Variants in FAAH2 observed in about 807,000 individuals in gnomAD.
The protein encoded by FAAH2 is fatty acid amide hydrolase 2.
A neutral mutation model predicts 36.9 loss-of-function variants in FAAH2; 60 were observed. That is an observed-to-expected ratio of 1.63 (90% CI 1.32 to 2.02). FAAH2 has a LOEUF of 2.02. FAAH2 is among the 30% of genes most tolerant of loss of function. The probability of loss-of-function intolerance (pLI) is 0.00; values close to 1 mark genes in which losing one functional copy is unlikely to be tolerated. For synonymous variants in FAAH2, 214 were observed against 143.8 expected (o/e 1.49, Z -3.49); for missense variants, 689 against 397.5 (o/e 1.73, Z -6.23).
At chrX:57,268,368 A>G in the FAAH2 span, among the ~76,000 whole-genome samples, 3 of 111,867 alleles carry the variant, frequency 2.7e-5, no homozygotes, top group Middle Eastern at 4.2e-3. Flanking sequence ...GACCAAATCT[A>G]TGACTGATTG....
the FAAH2 span, among the ~76,000 whole-genome samples, chrX:57,145,266 G>A: frequency 9.2e-6 from 1 of 108,272 alleles, no homozygotes; most frequent in Admixed American, 9.7e-5. Context: ...GGGGGGGTAA[G>A]GTGGTATTAC....
chrX:57,284,396 AAACAACAACAAC>A (rs201402751), upstream of FAAH2, among the ~76,000 whole-genome samples: 2 of 107,108 alleles, frequency 1.9e-5, no homozygotes, highest in African/African-American at 3.5e-5. Flanking sequence ...TAACAAAACA[AAACAACAACAAC>A]AACAACAACA....
At chrX:57,237,623 G>A in the FAAH2 span, among the ~76,000 whole-genome samples, 1 of 110,513 alleles carries the variant, frequency 9.0e-6, no homozygotes, top group Non-Finnish European at 1.9e-5. Context: ...CTTTTCAATT[G>A]CAACAAAAAC....
the FAAH2 span, among the ~76,000 whole-genome samples, chrX:57,205,858 G>T: frequency 8.9e-6 from 1 of 111,915 alleles, no homozygotes; most frequent in Non-Finnish European, 1.9e-5. Context: ...TGCTGTATTT[G>T]TGCCTTCATG....
Position 57,292,585 on chromosome X carries a change from G to A in FAAH2, c.275+5G>A. 8.3e-7 allele frequency: 1 copy of A among 1,199,118 alleles called. No individual in the cohort carries two copies. The highest frequency in any genetic ancestry group is 1.1e-6 in the Non-Finnish European group (1 of 885,982). On this transcript the variant is annotated splice_donor_5th_base_variant and intron_variant, in intron 2 of 10. Coordinates refer to ENST00000374900, the MANE Select transcript of FAAH2 (RefSeq NM_174912.4). The stretch of plus-strand genomic sequence containing the variant: ...CAATGGAATTGTCAAGTACAGGTGA[G>A]CATTTCCACTCTCTCAAGGAGTCAT...
At chrX:57,371,261 C>A (rs971549808) in intron 5 of FAAH2, among the ~76,000 whole-genome samples, 1 of 111,183 alleles carries the variant, frequency 9.0e-6, no homozygotes, top group Non-Finnish European at 1.9e-5. Flanking sequence ...TCTCCCCAAG[C>A]TTATAGTCTC....
chrX:57,123,257 G>T, the FAAH2 span, among the ~76,000 whole-genome samples: 1 of 111,465 alleles, frequency 9.0e-6, no homozygotes, highest in East Asian at 2.8e-4. Context: ...GCGGTGTTTG[G>T]TTTTTTGTCC....
intron 10 of FAAH2, among the ~76,000 whole-genome samples, chrX:57,476,612 A>G: frequency 9.0e-6 from 1 of 111,150 alleles, no homozygotes; most frequent in East Asian, 2.8e-4. Context: ...GGATTTTCAC[A>G]TTGATGTACA....
the FAAH2 span, among the ~76,000 whole-genome samples, chrX:57,134,133 A>G: frequency 9.0e-6 from 1 of 111,610 alleles, no homozygotes; most frequent in Non-Finnish European, 1.9e-5. Context: ...AAAGACACAG[A>G]TCTATCTTTG....
chrX:57,331,359 G>A (rs924039067), intron 3 of FAAH2, among the ~76,000 whole-genome samples: 5 of 110,737 alleles, frequency 4.5e-5, no homozygotes, highest in Non-Finnish European at 7.6e-5. Flanking sequence ...GTGAACAGTA[G>A]CCCTGTGCAG....
chrX:57,291,694 T>A (rs1307102548), intron 1 of FAAH2, among the ~76,000 whole-genome samples: 1 of 111,096 alleles, frequency 9.0e-6, no homozygotes, highest in African/African-American at 3.3e-5. Flanking sequence ...CTCTCCTCAT[T>A]ACTTGGGGGT....
At chrX:57,309,152 C>G (rs895323135) in intron 2 of FAAH2, among the ~76,000 whole-genome samples, 1 of 111,853 alleles carries the variant, frequency 8.9e-6, no homozygotes, top group Non-Finnish European at 1.9e-5. Flanking sequence ...GAATTGCATA[C>G]TTTAGTGATT....
chrX:57,127,826 T>C, the FAAH2 span, among the ~76,000 whole-genome samples: 3 of 111,653 alleles, frequency 2.7e-5, no homozygotes, highest in African/African-American at 9.7e-5. Flanking sequence ...CAAACCATTT[T>C]CTATGTTATT....
the FAAH2 span, among the ~76,000 whole-genome samples, chrX:57,250,229 T>C: frequency 2.7e-5 from 3 of 112,139 alleles, no homozygotes; most frequent in African/African-American, 9.7e-5. Flanking sequence ...CTTCAAATAC[T>C]TGAAGAACAT....
chrX:57,331,072 T>C (rs963063730), intron 3 of FAAH2, among the ~76,000 whole-genome samples: 1 of 111,025 alleles, frequency 9.0e-6, no homozygotes, highest in Non-Finnish European at 1.9e-5. Context: ...CCCTAGGGCT[T>C]AAGTCTCCTG....
chrX:57,299,631 A>C (rs1323106085), intron 2 of FAAH2, among the ~76,000 whole-genome samples: 2 of 112,065 alleles, frequency 1.8e-5, no homozygotes, highest in East Asian at 5.6e-4. Flanking sequence ...GAAGGAAATA[A>C]AGGACATTCA....
chrX:57,237,956 C>T, the FAAH2 span, among the ~76,000 whole-genome samples: 6 of 111,566 alleles, frequency 5.4e-5, no homozygotes, highest in Non-Finnish European at 9.4e-5. Context: ...GAGATACCAT[C>T]TCACACCAGT....
At chrX:57,333,287 C>G (rs888139389) in intron 4 of FAAH2, among the ~76,000 whole-genome samples, 3 of 111,603 alleles carry the variant, frequency 2.7e-5, no homozygotes, top group African/African-American at 9.8e-5. Flanking sequence ...AACCCCTAGC[C>G]AGGGAAACAT....
intron 2 of FAAH2, among the ~76,000 whole-genome samples, chrX:57,309,360 G>A (rs1282735066): frequency 8.9e-6 from 1 of 112,055 alleles, no homozygotes; most frequent in Non-Finnish European, 1.9e-5. Flanking sequence ...GGTTATACTA[G>A]GAATATACTG....
Sources: gnomAD v4.1 joint callset for allele counts (sites outside exome capture counted in the v4.1 genomes callset) on GRCh38, gnomAD v4.1.1 for gene constraint, MANE v1.5 for transcripts, NCBI Gene and HGNC (gene_info 2026-07-23, HGNC 2026-07-21) for gene names.